PPP2R1B: variants seen among roughly 807,000 people sequenced by gnomAD.
PPP2R1B encodes the protein protein phosphatase 2 scaffold subunit Abeta, also known as serine/threonine-protein phosphatase 2A 65 kDa regulatory subunit A beta isoform.
In PPP2R1B, 58 loss-of-function variants were observed where a neutral mutation model predicts 72.7. That is an observed-to-expected ratio of 0.80 (90% CI 0.65 to 0.99). The LOEUF (loss-of-function observed/expected upper bound fraction) is 0.99, where lower values mean the gene tolerates loss of function less well. Among genes scored for constraint, PPP2R1B ranks in the 50% least tolerant of loss-of-function variants. The pLI is 0.00. For synonymous variants in PPP2R1B, 256 were observed against 264.6 expected (o/e 0.97, Z 0.32); for missense variants, 695 against 733.6 (o/e 0.95, Z 0.61).
At chr11:111,748,829 T>C (rs1287459542) in intron 10 of PPP2R1B, among the ~76,000 whole-genome samples, 4 of 152,096 alleles carry the variant, frequency 2.6e-5, no homozygotes, top group Non-Finnish European at 5.9e-5. Flanking sequence ...GCTTTGAAAA[T>C]AGTGATTGAA....
At chr11:111,737,818 C>G, downstream of PPP2R1B, 1 of 1,295,972 alleles carries the variant, frequency 7.7e-7, no homozygotes, top group Non-Finnish European at 1.0e-6. Flanking sequence ...CCTGGCTGTT[C>G]CCCACATCCT....
At chr11:111,729,735 A>T (rs1350574357) in intron 15 of PPP2R1B, 1 of 152,186 alleles carries the variant, frequency 6.6e-6, no homozygotes, top group East Asian at 1.9e-4. Context: ...CTTATTCTCC[A>T]CTCAACAGCC....
rs1451903877 is a variant in PPP2R1B at position 111,738,820 on chromosome 11, A to C, written c.*2776T>G. The C allele has an allele frequency of 1.0e-6, 1 of 985,456 alleles. No homozygotes were observed. 61.0% of individuals were successfully genotyped at this position (985,456 alleles called of 1,614,324 possible). A position where few individuals can be genotyped will look rare whatever the true frequency, so the allele number is the denominator to read the frequency against. ...GGGGTAAACCCCACACAAATTACAG[A>C]GAGAAACACCAAGGTGAATTCCACT... On this transcript the variant is annotated 3_prime_UTR_variant, in exon 15 of 15. Transcript: ENST00000527614.
intron 5 of PPP2R1B, among the ~76,000 whole-genome samples, chr11:111,759,346 G>T (rs1945240020): frequency 6.6e-6 from 1 of 152,160 alleles, no homozygotes; most frequent in Non-Finnish European, 1.5e-5. Context: ...AAGAGATCTA[G>T]ATCTTCAGAA....
chr11:111,762,290 T>C (rs4935790), intron 3 of PPP2R1B, among the ~76,000 whole-genome samples: 38,713 of 152,154 alleles, frequency 0.25, 5,172 homozygotes, highest in Middle Eastern at 0.31. Context: ...TACACACAGG[T>C]AGACAGTATT....
At chr11:111,703,476 C>G in the PPP2R1B span, 1 of 1,511,688 alleles carries the variant, frequency 6.6e-7, no homozygotes, top group Non-Finnish European at 9.2e-7. Flanking sequence ...CTTGAAATTT[C>G]ATGCTCACAC....
chr11:111,708,805 C>T, the PPP2R1B span, among the ~76,000 whole-genome samples: 1 of 152,088 alleles, frequency 6.6e-6, no homozygotes, highest in Non-Finnish European at 1.5e-5. Flanking sequence ...CTAGGCTGGT[C>T]TCAAACTCCT....
At chr11:111,750,610 C>G (rs1232005697) in intron 10 of PPP2R1B, among the ~76,000 whole-genome samples, 3 of 152,160 alleles carry the variant, frequency 2.0e-5, no homozygotes, top group Non-Finnish European at 4.4e-5. Flanking sequence ...TTACAATACT[C>G]TGTAATAAGT....
the PPP2R1B span, among the ~76,000 whole-genome samples, chr11:111,688,984 G>GT: frequency 1.3e-5 from 2 of 152,186 alleles, no homozygotes; most frequent in East Asian, 3.8e-4. The surrounding 1 kb of genome is among the most constrained non-coding windows in gnomAD (Gnocchi z 4.2). Context: ...GGAACAAGCA[G>GT]TCTACCTGAA....
the PPP2R1B span, chr11:111,719,903 C>A: frequency 1.9e-6 from 3 of 1,614,168 alleles, no homozygotes; most frequent in African/African-American, 2.7e-5. Flanking sequence ...CCGAGGAAGA[C>A]CCCGCTCATG....
At chr11:111,758,158 T>C (rs1945192410) in intron 5 of PPP2R1B, among the ~76,000 whole-genome samples, 2 of 152,216 alleles carry the variant, frequency 1.3e-5, no homozygotes, top group South Asian at 4.1e-4. Flanking sequence ...AAAATTTTGG[T>C]CGAATACAAA....
At chr11:111,737,697 C>G, downstream of PPP2R1B, 1 of 1,498,430 alleles carries the variant, frequency 6.7e-7, no homozygotes, top group Non-Finnish European at 9.0e-7. Flanking sequence ...CAGCAGCCTA[C>G]AAGTATATGG....
At chr11:111,748,121 C>A in intron 10 of PPP2R1B, 107 bp from the exon 11 acceptor site, 5 of 832,920 alleles carry the variant, frequency 6.0e-6, no homozygotes, top group Non-Finnish European at 9.4e-6. Context: ...AACTTGTTTC[C>A]AAATAAACAA....
chr11:111,690,776 A>G, the PPP2R1B span, among the ~76,000 whole-genome samples: 1 of 152,164 alleles, frequency 6.6e-6, no homozygotes, highest in Non-Finnish European at 1.5e-5. Context: ...TGTCCCTGCA[A>G]AGGACATGAA....
At chr11:111,742,359 C>A in intron 13 of PPP2R1B, 164 bp downstream of exon 13, 1 of 829,552 alleles carries the variant, frequency 1.2e-6, no homozygotes. Context: ...ATATAAAAGT[C>A]ATAGTGGACA....
chr11:111,705,628 A>G, the PPP2R1B span, among the ~76,000 whole-genome samples: 2 of 152,212 alleles, frequency 1.3e-5, no homozygotes, highest in Non-Finnish European at 2.9e-5. This position sits in a 1 kb window ranked among gnomAD's most constrained non-coding sequence, Gnocchi z 4.3. Flanking sequence ...GGGGAATGGC[A>G]TGTAAGACAC....
At position 111,739,036 on chromosome 11, in the gene PPP2R1B, C is replaced by G. The variant is rs1944431521; in HGVS notation, c.*2560G>C. On this transcript the variant is annotated 3_prime_UTR_variant, in exon 15 of 15. Coordinates refer to ENST00000527614, the MANE Select transcript of PPP2R1B (RefSeq NM_002716.5). ...AATCCACACAGAACTGTAGTCTAAG[C>G]CAGGGGACCAGAAAAGGGCCACATA... The G allele has an allele frequency of 1.0e-6, 1 of 985,110 alleles. No homozygotes were observed. The highest frequency in any genetic ancestry group is 1.7e-5 in the African/African-American group (1 of 57,150). The allele number at this position is 985,110 out of a possible 1,614,324, so 61.0% of individuals were successfully genotyped here. A position where few individuals can be genotyped will look rare whatever the true frequency, so the allele number is the denominator to read the frequency against.
At chr11:111,722,744 T>C, downstream of PPP2R1B, 1 of 1,614,120 alleles carries the variant, frequency 6.2e-7, no homozygotes, top group Non-Finnish European at 8.5e-7. The surrounding 1 kb of genome is among the most constrained non-coding windows in gnomAD (Gnocchi z 4.4). Context: ...GAGCAGCAGC[T>C]GCAGGAACAT....
downstream of PPP2R1B, chr11:111,735,419 CCT>C (rs910798569): frequency 4.6e-5 from 7 of 152,320 alleles, no homozygotes; most frequent in East Asian, 1.9e-4. Flanking sequence ...AAACAAATCC[CCT>C]GTTAACCCCT....
Sources: gnomAD v4.1 joint callset for allele counts (sites outside exome capture counted in the v4.1 genomes callset) on GRCh38, gnomAD v4.1.1 for gene constraint, Gnocchi (gnomAD v3.1) non-coding constraint, MANE v1.5 for transcripts, NCBI Gene and HGNC (gene_info 2026-07-23, HGNC 2026-07-21) for gene names.